KCNAB1: variants seen among roughly 807,000 people sequenced by gnomAD.
KCNAB1 encodes voltage-gated potassium channel subunit beta-1.
In KCNAB1, 35 loss-of-function variants were observed where a neutral mutation model predicts 64.6. The ratio of observed to expected loss-of-function variants is 0.54; its 90% confidence interval spans 0.41 to 0.72. KCNAB1 has a LOEUF of 0.72. KCNAB1 is among the 30% of genes least tolerant of loss of function. The probability of loss-of-function intolerance (pLI) is 0.00; values close to 1 mark genes in which losing one functional copy is unlikely to be tolerated. For missense variants in KCNAB1, 401 were observed against 512.9 expected (o/e 0.78, Z 2.11); for synonymous variants, 177 against 183.8 (o/e 0.96, Z 0.30).
chr3:156,349,396 T>G (rs1724710637), intron 1 of KCNAB1, among the ~76,000 whole-genome samples: 2 of 152,170 alleles, frequency 1.3e-5, no homozygotes, highest in Non-Finnish European at 2.9e-5. Context: ...AAGTTTCCTG[T>G]GTAAATACCT....
At chr3:156,210,487 C>T (rs962000761) in intron 1 of KCNAB1, among the ~76,000 whole-genome samples, 5 of 152,176 alleles carry the variant, frequency 3.3e-5, no homozygotes, top group African/African-American at 1.2e-4. Context: ...TCAGCCTGTA[C>T]TAGAGAGAGC....
At position 156,144,648 on chromosome 3, in the gene KCNAB1, C is replaced by A. The variant is rs150358335; in HGVS notation, c.275+23762C>A. On this transcript the variant is annotated intron_variant, in intron 1 of 13. Coordinates refer to ENST00000490337, the MANE Select transcript of KCNAB1 (RefSeq NM_172160.3). ...GAAGGAGCCTGCTTCTCTGTCCCCC[C>A]ACGTTTTCTCTCTTCTCCGTGTTTC... Among the ~76,000 whole-genome samples the A allele has an allele frequency of 3.1e-3, 476 of 152,262 alleles. 3 individuals are homozygous for A. Among genetic ancestry groups the A allele is most frequent in the African/African-American group, 0.011 (440 of 41,534 alleles).
chr3:156,137,369 T>G (rs112545213), intron 1 of KCNAB1, among the ~76,000 whole-genome samples: 79 of 152,246 alleles, frequency 5.2e-4, no homozygotes, highest in African/African-American at 1.8e-3. Context: ...GGCTCTCCAT[T>G]AGTCATGTGT....
chr3:156,335,850 TGGG>T (rs1362971584), intron 1 of KCNAB1, among the ~76,000 whole-genome samples: 2 of 129,762 alleles, frequency 1.5e-5, no homozygotes, highest in African/African-American at 7.4e-5. Context: ...TAAAATTGTT[TGGG>T]TTTTTTTTTT....
At chr3:156,368,450 AG>A (rs1278125726) in intron 1 of KCNAB1, among the ~76,000 whole-genome samples, 1 of 152,192 alleles carries the variant, frequency 6.6e-6, no homozygotes, top group Non-Finnish European at 1.5e-5. Context: ...TTTTAGAGAC[AG>A]GGTCTCTCTC....
At chr3:156,401,969 G>A (rs1713928515) in intron 1 of KCNAB1, among the ~76,000 whole-genome samples, 1 of 151,984 alleles carries the variant, frequency 6.6e-6, no homozygotes, top group South Asian at 2.1e-4. Flanking sequence ...AGTGTTACAG[G>A]GCGGGGAACA....
intron 2 of KCNAB1, among the ~76,000 whole-genome samples, chr3:156,434,126 A>G (rs906542928): frequency 6.6e-6 from 1 of 152,198 alleles, no homozygotes; most frequent in African/African-American, 2.4e-5. Context: ...ATGACTCAGA[A>G]AGATTATGAA....
chr3:156,208,886 A>T (rs115177499), intron 1 of KCNAB1, among the ~76,000 whole-genome samples: 2,608 of 152,322 alleles, frequency 0.017, 47 homozygotes, highest in South Asian at 0.03. Flanking sequence ...CTTAATGAGA[A>T]ATCTCAGTTA....
intron 2 of KCNAB1, among the ~76,000 whole-genome samples, chr3:156,435,275 C>T (rs999269104): frequency 1.3e-5 from 2 of 152,138 alleles, no homozygotes; most frequent in Admixed American, 6.5e-5. Flanking sequence ...GGCACTATTA[C>T]CTGCTGAGGT....
At chr3:156,424,728 T>C (rs1211619962) in intron 2 of KCNAB1, among the ~76,000 whole-genome samples, 5 of 152,192 alleles carry the variant, frequency 3.3e-5, no homozygotes, top group Non-Finnish European at 7.4e-5. Flanking sequence ...GCAATCCCAG[T>C]CTCCAGAGGC....
chr3:156,529,321 T>C (rs1483943274), intron 12 of KCNAB1, among the ~76,000 whole-genome samples: 1 of 152,176 alleles, frequency 6.6e-6, no homozygotes, highest in East Asian at 1.9e-4. Context: ...GGCTGCCTGG[T>C]ACTTGAGGTA....
At chr3:156,251,190 A>G (rs965998484) in intron 1 of KCNAB1, among the ~76,000 whole-genome samples, 1 of 152,260 alleles carries the variant, frequency 6.6e-6, no homozygotes, top group Non-Finnish European at 1.5e-5. Flanking sequence ...CAAATATACA[A>G]TTAAGTAGGC....
At chr3:156,298,681 T>G (rs900293082) in intron 1 of KCNAB1, among the ~76,000 whole-genome samples, 1 of 152,208 alleles carries the variant, frequency 6.6e-6, no homozygotes, top group Admixed American at 6.5e-5. Flanking sequence ...TTAATTTATT[T>G]GAGTACCCTT....
intron 1 of KCNAB1, among the ~76,000 whole-genome samples, chr3:156,166,230 A>G (rs1235594973): frequency 1.3e-5 from 2 of 152,212 alleles, no homozygotes; most frequent in African/African-American, 4.8e-5. Flanking sequence ...TATCAGTGTC[A>G]TGCCATGGGC....
At chr3:156,398,149 C>G (rs1713602353) in intron 1 of KCNAB1, among the ~76,000 whole-genome samples, 1 of 152,096 alleles carries the variant, frequency 6.6e-6, no homozygotes, top group African/African-American at 2.4e-5. Flanking sequence ...GAACCAAACA[C>G]CACATGTTCT....
intron 1 of KCNAB1, among the ~76,000 whole-genome samples, chr3:156,373,069 T>A (rs1190146882): frequency 2.6e-5 from 4 of 152,274 alleles, no homozygotes; most frequent in Non-Finnish European, 5.9e-5. Context: ...TATAAAATTA[T>A]GTGTGTAAAT....
At chr3:156,529,566 C>T (rs955089153) in intron 12 of KCNAB1, among the ~76,000 whole-genome samples, 1 of 151,712 alleles carries the variant, frequency 6.6e-6, no homozygotes, top group Admixed American at 6.6e-5. Flanking sequence ...TAAAAATGCA[C>T]AGACTGCACC....
At chr3:156,535,956 ATTC>A (rs1455914126) in intron 13 of KCNAB1, among the ~76,000 whole-genome samples, 1 of 152,262 alleles carries the variant, frequency 6.6e-6, no homozygotes, top group Non-Finnish European at 1.5e-5. Flanking sequence ...CTCTTATCCC[ATTC>A]TTACCATCCG....
intron 2 of KCNAB1, among the ~76,000 whole-genome samples, chr3:156,441,958 T>A (rs1292262366): frequency 6.6e-6 from 1 of 152,214 alleles, no homozygotes; most frequent in Non-Finnish European, 1.5e-5. Context: ...CAAGAATATT[T>A]TTTAAATAAA....
Sources: gnomAD v4.1 joint callset for allele counts (sites outside exome capture counted in the v4.1 genomes callset) on GRCh38, gnomAD v4.1.1 for gene constraint, MANE v1.5 for transcripts, NCBI Gene and HGNC (gene_info 2026-07-23, HGNC 2026-07-21) for gene names.